SANBR: variants seen among roughly 807,000 people sequenced by gnomAD.
The protein encoded by SANBR is SANT and BTB domain regulator of CSR, also known as SANT and BTB domain regulator of class switch recombination.
SANBR carries 77 observed loss-of-function variants against 101.8 expected under a neutral mutation model. The ratio of observed to expected loss-of-function variants is 0.76; its 90% CI spans 0.63 to 0.91. The LOEUF is 0.91. Among genes scored for constraint, SANBR ranks in the 40% least tolerant of loss-of-function variants. The pLI, the probability that SANBR is intolerant of heterozygous loss-of-function variation, is 0.00. For synonymous variants in SANBR, 279 were observed against 274.7 expected (o/e 1.02, Z -0.15); for missense variants, 875 against 853.0 (o/e 1.03, Z -0.32).
At chr2:61,084,147 G>T (rs1373127961) in intron 8 of SANBR, among the ~76,000 whole-genome samples, 1 of 152,102 alleles carries the variant, frequency 6.6e-6, no homozygotes, top group Non-Finnish European at 1.5e-5. Context: ...AGAGATGGGG[G>T]TTTGCTGCGT....
intron 12 of SANBR, among the ~76,000 whole-genome samples, chr2:61,099,664 A>T (rs1348232210): frequency 6.6e-6 from 1 of 152,196 alleles, no homozygotes; most frequent in African/African-American, 2.4e-5. Flanking sequence ...CTTGCAATAG[A>T]TGATAGTTAA....
At chr2:61,081,871 A>T (rs1258678295) in intron 7 of SANBR, among the ~76,000 whole-genome samples, 1 of 152,022 alleles carries the variant, frequency 6.6e-6, no homozygotes, top group Non-Finnish European at 1.5e-5. Context: ...CTGGTCTCGA[A>T]CTCCTAATCT....
chr2:61,131,484 ACAGAAAACATT>A (rs1338775632), intron 20 of SANBR, among the ~76,000 whole-genome samples: 5 of 151,088 alleles, frequency 3.3e-5, no homozygotes, highest in Non-Finnish European at 6.0e-5. Context: ...AACAAAAGAA[ACAGAAAACATT>A]CTGAAAACAT....
chr2:61,137,163 A>AG lies in SANBR; in HGVS notation c.*45-300dup, dbSNP rs760439976. ...CATGGTGGTGTATGCCTGTAGTCCC[A>AG]GCTACTCAGGAGGCTGAGGTGGGAG... On this transcript the variant is annotated intron_variant, in intron 21 of 21. Transcript: ENST00000295031. 6.6e-5 allele frequency among the ~76,000 whole-genome samples: 10 copies of AG among 152,088 alleles called. No homozygotes were observed. In the East Asian group the frequency reaches 7.7e-4, roughly 12 times the overall value.
At chr2:61,125,701 G>A (rs1573677887), downstream of SANBR, among the ~76,000 whole-genome samples, 2 of 152,138 alleles carry the variant, frequency 1.3e-5, no homozygotes, top group East Asian at 3.8e-4. Context: ...TGAAGGTGAT[G>A]GTCCTAGTAG....
At chr2:61,126,348 T>C (rs1248719336), downstream of SANBR, among the ~76,000 whole-genome samples, 1 of 152,226 alleles carries the variant, frequency 6.6e-6, no homozygotes, top group African/African-American at 2.4e-5. Context: ...TTAACATCTT[T>C]TTCATGAAGT....
Position 61,070,390 on chromosome 2 carries a change from A to G in SANBR, c.40A>G (p.Asn14Asp). 6.3e-7 allele frequency: 1 copy of G among 1,595,904 alleles called. No individual in the cohort carries two copies. The highest frequency in any genetic ancestry group is 8.5e-7 in the Non-Finnish European group (1 of 1,173,542). The change falls in exon 3 of 22, where the codon AAT becomes GAT. Residue 14 changes from asparagine (N) to aspartate (D), a missense_variant. Transcript: ENST00000402291. The part of the protein sequence containing the change: ...GYSENNNFLN[N>D]NNQMVLDMIL... ...TTCAGAAAACAACAATTTCCTGAAC[A>G]ATAATAACCAAATGGTATTGGACAT...
intron 6 of SANBR, 58 bp downstream of exon 6, chr2:61,077,216 C>T: frequency 8.2e-7 from 1 of 1,222,658 alleles, no homozygotes; most frequent in Non-Finnish European, 1.2e-6. Context: ...CTGGTAGTTT[C>T]TTCAGGCCAA....
chr2:61,108,297 C>G lies in SANBR; in HGVS notation c.1612-20C>G. On this transcript the variant is annotated intron_variant, in intron 14 of 21. Transcript: ENST00000402291. ...TCTAGGTAAATGCAGATTTATTAAT[C>G]TCTTATTCCTGTCTTGTAGTTCTTG... The G allele has an allele frequency of 1.3e-6, 2 of 1,521,196 alleles. No homozygotes were observed. Among genetic ancestry groups the G allele is most frequent in the South Asian group, 2.4e-5 (2 of 82,536 alleles). 94.2% of individuals were successfully genotyped at this position (1,521,196 alleles called of 1,614,324 possible).
At position 61,103,864 on chromosome 2, in the gene SANBR, G is replaced by A; in HGVS notation, c.1377G>A (p.Val459=). The change falls in exon 13 of 22, where the codon GTG becomes GTA. Residue 459 remains valine (V), a synonymous_variant. Coordinates refer to ENST00000402291, the MANE Select transcript of SANBR (RefSeq NM_001129993.3). ...CTCTTATGTGACAGGGCTGTAAAGTGAGGGACCACATGGTTACACTTCGTG... is the reference window on the plus strand; with the variant it reads ...CTCTTATGTGACAGGGCTGTAAAGTAAGGGACCACATGGTTACACTTCGTG... ...DPTQLTKGCK[V]RDHMVTLRDQ... is the part of the protein sequence containing the mutation. 6.2e-7 allele frequency: 1 copy of A among 1,614,152 alleles called. No homozygotes were observed. Among genetic ancestry groups the A allele is most frequent in the Non-Finnish European group, 8.5e-7 (1 of 1,179,976 alleles).
At chr2:61,112,505 C>CT (rs962389866) in intron 16 of SANBR, among the ~76,000 whole-genome samples, 13 of 142,938 alleles carry the variant, frequency 9.1e-5, no homozygotes, top group South Asian at 2.2e-4. Flanking sequence ...TTTTTTTTTT[C>CT]TTTTTTTTTG....
chr2:61,091,634 AC>A (rs1682767213), intron 10 of SANBR, among the ~76,000 whole-genome samples: 1 of 130 alleles, frequency 7.7e-3, no homozygotes, highest in Non-Finnish European at 0.015. Context: ...ATGACACATA[AC>A]CTGTAATCCC....
chr2:61,103,241 AT>A (rs1683379970), intron 12 of SANBR, among the ~76,000 whole-genome samples: 1 of 149,800 alleles, frequency 6.7e-6, no homozygotes, highest in South Asian at 2.1e-4. Flanking sequence ...AGCTGAAGTG[AT>A]CCTCCCACCT....
chr2:61,134,221 T>C, exon 21 of SANBR: 1 of 1,606,720 alleles, frequency 6.2e-7, no homozygotes, highest in Non-Finnish European at 8.5e-7. Context: ...GATGACAGTG[T>C]TGCTGTGTTA....
intron 3 of SANBR, among the ~76,000 whole-genome samples, chr2:61,070,759 T>G (rs1282199841): frequency 6.8e-6 from 1 of 147,636 alleles, no homozygotes; most frequent in Non-Finnish European, 1.5e-5. Flanking sequence ...ATATTTTATA[T>G]TATATATATA....
rs778347648 is a variant in SANBR, at chr2:61,083,325, A to C, written c.890+11A>C. On this transcript the variant is annotated intron_variant, in intron 8 of 21. Coordinates refer to ENST00000402291, the MANE Select transcript of SANBR (RefSeq NM_001129993.3). ...AGATAAATTTAAAAGGTAATTTCAAAAGTTTAATTTTAAACCTAATACTCC... is the reference window on the plus strand; with the variant it reads ...AGATAAATTTAAAAGGTAATTTCAACAGTTTAATTTTAAACCTAATACTCC... The C allele has an allele frequency of 2.0e-6, 3 of 1,503,812 alleles. No individual in the cohort carries two copies. Among genetic ancestry groups the C allele is most frequent in the East Asian group, 4.6e-5 (2 of 43,292 alleles). The allele number at this position is 1,503,812 out of a possible 1,614,324, so 93.2% of individuals were successfully genotyped here. A position where few individuals can be genotyped will look rare whatever the true frequency, so the allele number is the denominator to read the frequency against.
At chr2:61,079,266 A>G (rs1681960319) in intron 6 of SANBR, among the ~76,000 whole-genome samples, 1 of 152,152 alleles carries the variant, frequency 6.6e-6, no homozygotes, top group Non-Finnish European at 1.5e-5. Flanking sequence ...CCAGTGTTCT[A>G]AATGGTAGCA....
intron 20 of SANBR, among the ~76,000 whole-genome samples, chr2:61,131,174 C>G (rs1425755091): frequency 2.6e-5 from 4 of 152,130 alleles, no homozygotes; most frequent in African/African-American, 9.6e-5. Context: ...CATTTCTATT[C>G]AACATTGTAC....
chr2:61,073,288 C>T (rs1253322300), intron 4 of SANBR, among the ~76,000 whole-genome samples, 170 bp from the exon 5 acceptor site: 1 of 152,060 alleles, frequency 6.6e-6, no homozygotes, highest in African/African-American at 2.4e-5. Context: ...CTGTTTCTTC[C>T]ATATATCTTT....
Sources: allele counts gnomAD v4.1 joint callset (sites outside exome capture counted in the v4.1 genomes callset), GRCh38; gene constraint gnomAD v4.1.1; transcripts MANE v1.5; gene names NCBI Gene and HGNC (gene_info 2026-07-23, HGNC 2026-07-21).